CABP4: variants seen among roughly 807,000 people sequenced by gnomAD.
CABP4 encodes the protein calcium binding protein 4.
A neutral mutation model predicts 30.7 loss-of-function variants in CABP4; 30 were observed. That is an observed-to-expected ratio of 0.98 (90% CI 0.73 to 1.33). The LOEUF (loss-of-function observed/expected upper bound fraction) is 1.33. Ranked by LOEUF, CABP4 falls within the 40% of genes most tolerant of loss-of-function variation. The pLI, the probability that CABP4 is intolerant of heterozygous loss-of-function variation, is 0.00. For synonymous variants in CABP4, 161 were observed against 159.2 expected (o/e 1.01, Z -0.08); for missense variants, 424 against 395.5 (o/e 1.07, Z -0.61).
At chr11:67,455,234 C>A, upstream of CABP4, 1 of 715,728 alleles carries the variant, frequency 1.4e-6, no homozygotes, top group Non-Finnish European at 2.2e-6. Flanking sequence ...TCTGGCTCTG[C>A]CCTGGCCAGC....
intron 1 of CABP4, 143 bp from the exon 2 acceptor site, chr11:67,456,045 C>T (rs1371153469): frequency 1.3e-6 from 2 of 1,503,392 alleles, no homozygotes; most frequent in African/African-American, 2.8e-5. Context: ...GCTTGCTCCT[C>T]CTGGGTCCCA....
intron 3 of CABP4, among the ~76,000 whole-genome samples, chr11:67,457,217 C>T (rs1431152437): frequency 6.6e-6 from 1 of 152,160 alleles, no homozygotes; most frequent in African/African-American, 2.4e-5. Flanking sequence ...GGCCATGAAC[C>T]TGAACCCCAT....
At chr11:67,453,080 C>A (rs1864624524), upstream of CABP4, 1 of 188,896 alleles carries the variant, frequency 5.3e-6, no homozygotes, top group Admixed American at 5.4e-5. Context: ...GTGGCACAGT[C>A]CCTGCAGCTT....
upstream of CABP4, chr11:67,453,017 C>CTTTT: frequency 2.4e-5 from 5 of 207,778 alleles, no homozygotes; most frequent in Non-Finnish European, 3.8e-5. Flanking sequence ...CTTTTCTTTT[C>CTTTT]TTTTTTTTTT....
rs1232322091 is a variant in CABP4, at chr11:67,461,086, C to T, written c.*2427C>T. On this transcript the variant is annotated 3_prime_UTR_variant, in exon 6 of 6. Transcript: ENST00000325656. Reference sequence around the variant, plus strand: ...CTAAGGCAGGAGGATCACTTGAGGCCAGGAGTTTGAGACCAGCCTAACAGC... The same window carrying T: ...CTAAGGCAGGAGGATCACTTGAGGCTAGGAGTTTGAGACCAGCCTAACAGC... Among the ~76,000 whole-genome samples, 1 of 152,006 alleles carries T rather than the reference C, an allele frequency of 6.6e-6. No individual in the cohort carries two copies.
upstream of CABP4, chr11:67,453,362 A>C (rs1419990671): frequency 6.6e-6 from 1 of 152,176 alleles, no homozygotes; most frequent in African/African-American, 2.4e-5. Flanking sequence ...GCTTTCAAAC[A>C]TTGTTAAAGG....
chr11:67,460,078 A>G lies in CABP4; in HGVS notation c.*1419A>G, dbSNP rs930563507. The G allele has an allele frequency of 2.0e-5, 3 of 152,294 alleles. No individual in the cohort carries two copies. Among genetic ancestry groups the G allele is most frequent in the Non-Finnish European group, 2.9e-5 (2 of 68,056 alleles). The allele number at this position is 152,294 out of a possible 1,614,324, so 9.4% of individuals were successfully genotyped here. A position where few individuals can be genotyped will look rare whatever the true frequency, so the allele number is the denominator to read the frequency against. ...ATACAGCCGCCTAAGAGACCACAAG[A>G]TACATGCAAATAAAAGACGGCTAAA... is the stretch of plus-strand genomic sequence containing the variant. On this transcript the variant is annotated 3_prime_UTR_variant, in exon 6 of 6. Transcript: ENST00000325656.
In CABP4 at chr11:67,455,625, G is replaced by A; in HGVS notation, c.202G>A (p.Gly68Arg). The stretch of plus-strand genomic sequence containing the variant: ...GGAGCAGACAGGCCCCGAGGCCCCG[G>A]GGAGCAGCAATAACCCTCCCAGCAC... ...SGEQTGPEAPGSSNNPPSTGE... is the reference protein window; with the variant it reads ...SGEQTGPEAPRSSNNPPSTGE... Residue 68 changes from glycine (G) to arginine (R), a missense_variant, in exon 1 of 6, where the codon GGG becomes AGG. Physicochemically the swap from Gly to Arg is moderately radical, Grantham distance 125 (BLOSUM62 -2). Coordinates refer to ENST00000325656, the MANE Select transcript of CABP4 (RefSeq NM_145200.5). 1 of 1,609,050 alleles carries A rather than the reference G, an allele frequency of 6.2e-7. No homozygotes were observed. The highest frequency in any genetic ancestry group is 1.3e-5 in the African/African-American group (1 of 75,004).
chr11:67,455,428 C>A lies in CABP4; in HGVS notation c.5C>A (p.Thr2Asn). 1 of 1,609,166 alleles carries A rather than the reference C, an allele frequency of 6.2e-7. No individual in the cohort carries two copies. Among genetic ancestry groups the A allele is most frequent in the South Asian group, 1.1e-5 (1 of 90,678 alleles). M[T>N]TEQARGQQGP... ...GAGCCCTGTTATCCCTCCCCCATGA[C>A]CACAGAGCAGGCAAGGGGGCAGCAG... Residue 2 changes from threonine to asparagine, a missense_variant, in exon 1 of 6, where the codon ACC becomes AAC. Thr to Asn is a moderately conservative substitution (Grantham distance 65). Coordinates refer to ENST00000325656, the MANE Select transcript of CABP4 (RefSeq NM_145200.5).
At position 67,456,308 on chromosome 11, in the gene CABP4, C is replaced by T. The variant is rs1864790718; in HGVS notation, c.407C>T (p.Ala136Val). 6.2e-7 allele frequency: 1 copy of T among 1,613,896 alleles called. No individual in the cohort carries two copies. Residue 136 changes from alanine to valine, a missense_variant, in exon 3 of 6, where the codon GCC becomes GTC. Coordinates refer to ENST00000325656, the MANE Select transcript of CABP4 (RefSeq NM_145200.5). ...CCTCCCTCCTCCACAGAGCTTCAGG[C>T]CGCCTTCGAGGAGTTTGACACTGAC... ...LGPEELDELQ[A>V]AFEEFDTDRD...
intron 1 of CABP4, 33 bp downstream of exon 1, chr11:67,455,822 T>G (rs772485289): frequency 1.3e-6 from 2 of 1,550,142 alleles, no homozygotes; most frequent in Non-Finnish European, 8.7e-7. Context: ...CTGGGGGTCC[T>G]GGGGGTGGGG....
At chr11:67,455,347 C>T, upstream of CABP4, 1 of 1,520,062 alleles carries the variant, frequency 6.6e-7, no homozygotes, top group South Asian at 1.3e-5. Context: ...AGTGGGGGTG[C>T]ATAAGCAGCT....
Position 67,458,628 on chromosome 11 carries a change from CAG to C in CABP4, c.800_801del, listed in dbSNP as rs786205249. ...ACCCAAGCCCTGCCCTTCTCTCCCGCAGAGTTTGTGATGATGCTCTCCCGCCA... is the reference window on the plus strand; with the variant it reads ...ACCCAAGCCCTGCCCTTCTCTCCCGCAGTTTGTGATGATGCTCTCCCGCCA... On this transcript the variant is annotated splice_acceptor_variant, in intron 5 of 5. Coordinates refer to ENST00000325656, the MANE Select transcript of CABP4 (RefSeq NM_145200.5). LOFTEE classifies it high-confidence loss of function. 2.2e-5 allele frequency: 36 copies of C among 1,613,972 alleles called. No homozygotes were observed. The highest frequency in any genetic ancestry group is 2.9e-5 in the Non-Finnish European group (34 of 1,180,018).
upstream of CABP4, chr11:67,455,271 C>A (rs1565159751): frequency 9.4e-7 from 1 of 1,063,336 alleles, no homozygotes; most frequent in South Asian, 1.7e-5. Flanking sequence ...GGGATTAGGG[C>A]CAGGGCTGCC....
rs1864785749 is a variant in CABP4 at position 67,456,212 on chromosome 11, C to T, written c.391C>T (p.Leu131=). Residue 131 remains leucine (L), a synonymous_variant, in exon 2 of 6, where the codon CTA becomes TTA. Coordinates refer to ENST00000325656, the MANE Select transcript of CABP4 (RefSeq NM_145200.5). Reference sequence around the variant, plus strand: ...GGACCGCGAACTGGGCCCCGAGGAGCTAGACGGTGAGTGGCTCTTGCTGCT... The same window carrying T: ...GGACCGCGAACTGGGCCCCGAGGAGTTAGACGGTGAGTGGCTCTTGCTGCT... ...GKDRELGPEE[L]DELQAAFEEF... 3 of 1,613,520 alleles carry T rather than the reference C, an allele frequency of 1.9e-6. No homozygotes were observed. Among genetic ancestry groups the T allele is most frequent in the African/African-American group, 1.3e-5 (1 of 75,022 alleles).
At chr11:67,457,458 G>A (rs955181641) in intron 3 of CABP4, 115 bp from the exon 4 acceptor site, 4 of 854,458 alleles carry the variant, frequency 4.7e-6, no homozygotes, top group Non-Finnish European at 7.8e-6. Flanking sequence ...GTGGACACGG[G>A]TGTTTCTTCC....
rs200515541 is a variant in CABP4 at position 67,457,650 on chromosome 11, G to A, written c.619G>A (p.Gly207Arg). The A allele has an allele frequency of 6.2e-6, 10 of 1,602,772 alleles. No individual in the cohort carries two copies. The highest frequency in any genetic ancestry group is 2.2e-5 in the East Asian group (1 of 44,450). Residue 207 changes from glycine (G) to arginine (R), a missense_variant, in exon 4 of 6, where the codon GGG becomes AGG. Coordinates refer to ENST00000325656, the MANE Select transcript of CABP4 (RefSeq NM_145200.5). ...GAGGGAGGAGACGGCGCACATGCTG[G>A]GGGTGCGAGAGCTGCGCATCGCCTT... is the stretch of plus-strand genomic sequence containing the variant. ...KLREETAHML[G>R]VRELRIAFRE...
chr11:67,452,677 G>T, upstream of CABP4: 1 of 1,600,884 alleles, frequency 6.2e-7, no homozygotes, highest in Non-Finnish European at 8.5e-7. Context: ...GCTCTGTGCG[G>T]GGCCTGTGGC....
upstream of CABP4, chr11:67,452,449 C>A: frequency 6.2e-7 from 1 of 1,612,494 alleles, no homozygotes; most frequent in Non-Finnish European, 8.5e-7. Flanking sequence ...GTCCCCCATG[C>A]CGGATCTCTA....
Sources: allele counts gnomAD v4.1 joint callset (sites outside exome capture counted in the v4.1 genomes callset), GRCh38; gene constraint gnomAD v4.1.1; transcripts MANE v1.5; gene names NCBI Gene and HGNC (gene_info 2026-07-23, HGNC 2026-07-21).